The following ACER3 variants were observed in gnomAD, a reference collection of about 807,000 sequenced individuals.
ACER3 encodes alkaline ceramidase 3.
In ACER3, 16 loss-of-function variants were observed where a neutral mutation model predicts 48.9. The ratio of observed to expected loss-of-function variants is 0.33; its 90% CI spans 0.22 to 0.50. The LOEUF is 0.50. ACER3 is among the 20% of genes least tolerant of loss of function. The pLI is 0.98. For synonymous variants in ACER3, 109 were observed against 107.8 expected, an observed-to-expected ratio of 1.01 and a Z score of -0.07; for missense variants, 227 against 326.0, an observed-to-expected ratio of 0.70 and a Z score of 2.34.
intron 2 of ACER3, among the ~76,000 whole-genome samples, chr11:76,955,957 T>C (rs1947829027): frequency 6.6e-6 from 1 of 152,182 alleles, no homozygotes; most frequent in Non-Finnish European, 1.5e-5. Context: ...AAAGACTACA[T>C]GATGTATGAT....
chr11:76,880,299 T>C (rs1945490231), intron 1 of ACER3, among the ~76,000 whole-genome samples: 1 of 152,246 alleles, frequency 6.6e-6, no homozygotes, highest in African/African-American at 2.4e-5. Flanking sequence ...AATTTTCCTC[T>C]TGGCACACAA....
chr11:76,946,106 T>G (rs1354034699), intron 2 of ACER3, among the ~76,000 whole-genome samples: 3 of 152,168 alleles, frequency 2.0e-5, no homozygotes, highest in Non-Finnish European at 2.9e-5. Flanking sequence ...GAGGAGTGTG[T>G]TCTGCTCAAG....
At chr11:76,908,144 G>A (rs1220008717) in intron 1 of ACER3, among the ~76,000 whole-genome samples, 1 of 152,046 alleles carries the variant, frequency 6.6e-6, no homozygotes, top group Non-Finnish European at 1.5e-5. Flanking sequence ...GCTGAGGTAG[G>A]AGAATCACTT....
rs1490255598 is a variant in ACER3 at position 76,875,133 on chromosome 11, T to TTTTTTA, written c.103+14054_103+14055insTTTTTA. Among the ~76,000 whole-genome samples the TTTTTTA allele has an allele frequency of 1.1e-3, 151 of 141,376 alleles. 3 individuals carry two copies. Among genetic ancestry groups the TTTTTTA allele is most frequent in the African/African-American group, 4.1e-3 (145 of 35,778 alleles). 92.7% of individuals were successfully genotyped at this position (141,376 alleles called of 152,430 possible). On this transcript the variant is annotated intron_variant, in intron 1 of 10. Coordinates refer to ENST00000532485, the MANE Select transcript of ACER3 (RefSeq NM_018367.7). The stretch of plus-strand genomic sequence containing the variant: ...TTTTTTTTTTTTTTTTTTTTTTTTT[T>TTTTTTA]AGATGGAATCTCACTCTGTTGCCAG...
chr11:76,930,723 C>A (rs545315469), intron 2 of ACER3, among the ~76,000 whole-genome samples: 2 of 152,096 alleles, frequency 1.3e-5, no homozygotes, highest in Admixed American at 6.5e-5. Context: ...TCGTTATGTA[C>A]CCAGTAGTCA....
intron 1 of ACER3, among the ~76,000 whole-genome samples, chr11:76,872,237 C>T (rs925722654): frequency 8.6e-5 from 13 of 151,972 alleles, no homozygotes; most frequent in African/African-American, 1.9e-4. Flanking sequence ...CCACCACCCC[C>T]GCTAATTTTT....
intron 2 of ACER3, among the ~76,000 whole-genome samples, chr11:76,956,922 T>C (rs887539075): frequency 7.2e-5 from 11 of 152,148 alleles, no homozygotes; most frequent in African/African-American, 2.7e-4. Context: ...GTGATTTTTT[T>C]AAAGGCAAGA....
intron 1 of ACER3, among the ~76,000 whole-genome samples, chr11:76,882,003 CTTT>C (rs33962456): frequency 0.037 from 4,111 of 110,010 alleles, 37 homozygotes; most frequent in South Asian, 0.049. Context: ...TGTAAAAAAT[CTTT>C]TTTTTTTTTT....
chr11:77,011,176 T>C (rs1234827282), intron 7 of ACER3, among the ~76,000 whole-genome samples: 1 of 152,076 alleles, frequency 6.6e-6, no homozygotes, highest in Non-Finnish European at 1.5e-5. Context: ...CAGAGAGACA[T>C]ATGTTGAGTG....
chr11:76,910,468 T>C (rs1394633315), intron 1 of ACER3, among the ~76,000 whole-genome samples: 1 of 152,160 alleles, frequency 6.6e-6, no homozygotes, highest in Non-Finnish European at 1.5e-5. Flanking sequence ...TAGAATAAAC[T>C]CTTTAAAAGA....
At chr11:76,943,690 T>C (rs1330939884) in intron 2 of ACER3, among the ~76,000 whole-genome samples, 1 of 151,906 alleles carries the variant, frequency 6.6e-6, no homozygotes, top group African/African-American at 2.4e-5. Flanking sequence ...TAAAGTCCAA[T>C]GTTTCTTTGC....
At chr11:76,972,857 C>T (rs1358060077) in intron 3 of ACER3, among the ~76,000 whole-genome samples, 4 of 152,234 alleles carry the variant, frequency 2.6e-5, no homozygotes, top group South Asian at 2.1e-4. Context: ...TGCTGCTGTC[C>T]AGAGTCCTCT....
chr11:77,005,983 A>AT (rs11372993), intron 7 of ACER3, among the ~76,000 whole-genome samples: 35,614 of 73,180 alleles, frequency 0.49, 9,594 homozygotes, highest in Non-Finnish European at 0.66. Flanking sequence ...ATATATATAT[A>AT]TATATATATT....
At chr11:76,953,986 C>T (rs181301153) in intron 2 of ACER3, among the ~76,000 whole-genome samples, 74 of 143,856 alleles carry the variant, frequency 5.1e-4, no homozygotes, top group Middle Eastern at 7.5e-3. Context: ...TCACTCTTGT[C>T]GCCCAGGCTA....
At chr11:77,008,325 T>A (rs188761485) in intron 7 of ACER3, among the ~76,000 whole-genome samples, 38 of 152,330 alleles carry the variant, frequency 2.5e-4, no homozygotes, top group Admixed American at 2.2e-3. Context: ...TAAAGAAGCA[T>A]AAAATACAGT....
intron 1 of ACER3, among the ~76,000 whole-genome samples, chr11:76,871,414 G>A (rs536081970): frequency 6.6e-6 from 1 of 152,216 alleles, no homozygotes; most frequent in Admixed American, 6.5e-5. Flanking sequence ...ATCAGTACAT[G>A]TAAGGTATAC....
intron 10 of ACER3, 52 bp downstream of exon 10, chr11:77,019,828 G>A: frequency 1.3e-6 from 2 of 1,570,926 alleles, no homozygotes; most frequent in Non-Finnish European, 8.8e-7. Flanking sequence ...GGTACTGGGA[G>A]TATAGGATGG....
At position 77,020,421 on chromosome 11, in the gene ACER3, C is replaced by A; in HGVS notation, c.*94C>A. 1 of 1,398,516 alleles carries A rather than the reference C, an allele frequency of 7.2e-7. No homozygotes were observed. The highest frequency in any genetic ancestry group is 1.8e-5 in the Admixed American group (1 of 55,484). The allele number at this position is 1,398,516 out of a possible 1,614,324, so 86.6% of individuals were successfully genotyped here. Reference sequence around the variant, plus strand: ...TAAAGATCTACAAGTTCAAATATGTCATGACCATCACAGCAGAGGAGTGAC... The same window carrying A: ...TAAAGATCTACAAGTTCAAATATGTAATGACCATCACAGCAGAGGAGTGAC... On this transcript the variant is annotated 3_prime_UTR_variant, in exon 11 of 11. Transcript: ENST00000532485.
chr11:76,881,716 TAAAAG>T (rs1307257978), intron 1 of ACER3, among the ~76,000 whole-genome samples: 2 of 152,106 alleles, frequency 1.3e-5, no homozygotes, highest in Non-Finnish European at 2.9e-5. Flanking sequence ...ATAAATAAGT[TAAAAG>T]AAAAAGGAAA....
Sources: allele counts gnomAD v4.1 joint callset (sites outside exome capture counted in the v4.1 genomes callset), GRCh38; gene constraint gnomAD v4.1.1; transcripts MANE v1.5; gene names NCBI Gene and HGNC (gene_info 2026-07-23, HGNC 2026-07-21).